The following IQCH variants were observed in gnomAD, a reference collection of about 807,000 sequenced individuals.
IQCH encodes IQ motif containing H, also known as IQ domain-containing protein H.
In IQCH, 98 loss-of-function variants were observed where a neutral mutation model predicts 117.0. That is an observed-to-expected ratio of 0.84 (90% CI 0.71 to 0.99). IQCH has a LOEUF of 0.99. IQCH is among the 50% of genes least tolerant of loss of function. The pLI is 0.00. For missense variants in IQCH, 1,102 were observed against 1,243.8 expected (o/e 0.89, Z 1.72); for synonymous variants, 412 against 448.2 (o/e 0.92, Z 1.02).
intron 18 of IQCH, among the ~76,000 whole-genome samples, chr15:67,484,193 C>T (rs548714864): frequency 5.5e-4 from 83 of 152,138 alleles, no homozygotes; most frequent in Non-Finnish European, 1.0e-3. Context: ...ATTACTTGAG[C>T]CCAGGAGTTC....
Position 67,466,208 on chromosome 15 carries a change from C to T in IQCH, c.2676+911C>T, listed in dbSNP as rs1286705748. 6.6e-6 allele frequency among the ~76,000 whole-genome samples: 1 copy of T among 152,162 alleles called. No homozygotes were observed. The highest frequency in any genetic ancestry group is 1.5e-5 in the Non-Finnish European group (1 of 68,030). On this transcript the variant is annotated intron_variant, in intron 17 of 20. Coordinates refer to ENST00000335894, the MANE Select transcript of IQCH (RefSeq NM_001031715.3). The surrounding 1 kb of genome is among the most constrained non-coding windows in gnomAD (Gnocchi z 4.4). ...CCTCAGCACCCTGAGTAACAAAGGG[C>T]ATAGCCCCATGGGGACAGTGGGTGC...
At chr15:67,261,480 C>T (rs903187434) in intron 2 of IQCH, 86 bp downstream of exon 2, 39 of 1,170,948 alleles carry the variant, frequency 3.3e-5, no homozygotes, top group Non-Finnish European at 4.4e-5. Flanking sequence ...TAGAGTCCTG[C>T]ATAATTCTGT....
chr15:67,435,665 G>A (rs2082120103), intron 16 of IQCH, among the ~76,000 whole-genome samples: 1 of 152,036 alleles, frequency 6.6e-6, no homozygotes, highest in Admixed American at 6.5e-5. Flanking sequence ...TTGAGGTCAG[G>A]AGTTCGGGAT....
rs1392483216 is a variant in IQCH, at chr15:67,422,502, G to A, written c.2505+925G>A. Among the ~76,000 whole-genome samples the A allele has an allele frequency of 1.3e-5, 2 of 152,074 alleles. No homozygotes were observed. The highest frequency in any genetic ancestry group is 2.9e-5 in the Non-Finnish European group (2 of 68,002). On this transcript the variant is annotated intron_variant, in intron 16 of 20. Coordinates refer to ENST00000335894, the MANE Select transcript of IQCH (RefSeq NM_001031715.3). The surrounding 1 kb of genome is among the most constrained non-coding windows in gnomAD (Gnocchi z 4.7). The stretch of plus-strand genomic sequence containing the variant: ...GCACATGGCTCTTCCTCCTCCTAGA[G>A]GCCAGGAGGAAGCTACTGTCTCATA...
At position 67,500,752 on chromosome 15, in the gene IQCH, G is replaced by A; in HGVS notation, c.*6G>A. Reference sequence around the variant, plus strand: ...TCTCTAAACCCAAGAAATGATCCTGGAATACAGTACATAACAATTTGGATC... The same window carrying A: ...TCTCTAAACCCAAGAAATGATCCTGAAATACAGTACATAACAATTTGGATC... On this transcript the variant is annotated 3_prime_UTR_variant, in exon 21 of 21. Coordinates refer to ENST00000335894, the MANE Select transcript of IQCH (RefSeq NM_001031715.3). This position sits in a 1 kb window ranked among gnomAD's most constrained non-coding sequence, Gnocchi z 4.4. The A allele has an allele frequency of 6.9e-7, 1 of 1,440,264 alleles. No individual in the cohort carries two copies. Among genetic ancestry groups the A allele is most frequent in the Non-Finnish European group, 9.7e-7 (1 of 1,034,704 alleles). 89.2% of individuals were successfully genotyped at this position (1,440,264 alleles called of 1,614,324 possible). A position where few individuals can be genotyped will look rare whatever the true frequency, so the allele number is the denominator to read the frequency against.
rs187676180 is a variant in IQCH at position 67,301,167 on chromosome 15, G to A, written c.387+21655G>A. The stretch of plus-strand genomic sequence containing the variant: ...AGTTATTTCTGATATTTATCTTACT[G>A]TTGGTAAAAAATGATCATCTTCCAG... On this transcript the variant is annotated intron_variant, in intron 4 of 20. Coordinates refer to ENST00000335894, the MANE Select transcript of IQCH (RefSeq NM_001031715.3). Among the ~76,000 whole-genome samples the A allele has an allele frequency of 5.2e-3, 794 of 152,148 alleles. 6 individuals carry two copies. Among genetic ancestry groups the A allele is most frequent in the African/African-American group, 0.016 (672 of 41,510 alleles).
In IQCH at chr15:67,427,158, C is replaced by G. The variant is rs754736895; in HGVS notation, c.2505+5581C>G. 1.3e-5 allele frequency among the ~76,000 whole-genome samples: 2 copies of G among 152,074 alleles called. No individual in the cohort carries two copies. The highest frequency in any genetic ancestry group is 2.9e-5 in the Non-Finnish European group (2 of 68,012). On this transcript the variant is annotated intron_variant, in intron 16 of 20. Transcript: ENST00000335894. The surrounding 1 kb of genome is among the most constrained non-coding windows in gnomAD (Gnocchi z 4.7). ...TTCTCCAACAATGAGAAACTTGAGT[C>G]TTTATCCCTCAATATAGTTACTTCT...
At position 67,368,878 on chromosome 15, in the gene IQCH, T is replaced by TTTTA. The variant is rs773466846; in HGVS notation, c.754-3213_754-3210dup. On this transcript the variant is annotated intron_variant, in intron 8 of 20. Transcript: ENST00000335894. The stretch of plus-strand genomic sequence containing the variant: ...TTTCTTTGTGGTAGTTATTTCTAAA[T>TTTTA]TTTATTTATTTATTTATTTATTTGA... Among the ~76,000 whole-genome samples, 71 of 152,154 alleles carry TTTTA rather than the reference T, an allele frequency of 4.7e-4. 2 individuals are homozygous for TTTTA. Among genetic ancestry groups the TTTTA allele is most frequent in the Admixed American group, 5.2e-4 (8 of 15,274 alleles).
intron 4 of IQCH, among the ~76,000 whole-genome samples, chr15:67,316,194 T>G (rs539008888): frequency 1.6e-4 from 24 of 152,228 alleles, no homozygotes; most frequent in African/African-American, 5.8e-4. Context: ...CATTTCTCAC[T>G]TAAGATGGGG....
At position 67,447,719 on chromosome 15, in the gene IQCH, G is replaced by C. The variant is rs1256620505; in HGVS notation, c.2506-17408G>C. On this transcript the variant is annotated intron_variant, in intron 16 of 20. Transcript: ENST00000335894. This position sits in a 1 kb window ranked among gnomAD's most constrained non-coding sequence, Gnocchi z 5.3. ...TTTCTGAGCCACCGGCCCACTACCTGAGCAGCCCCTTCTCTTCTGGGTTTG... is the reference window on the plus strand; with the variant it reads ...TTTCTGAGCCACCGGCCCACTACCTCAGCAGCCCCTTCTCTTCTGGGTTTG... 1.3e-5 allele frequency among the ~76,000 whole-genome samples: 2 copies of C among 152,128 alleles called. No homozygotes were observed. The highest frequency in any genetic ancestry group is 2.9e-5 in the Non-Finnish European group (2 of 68,028).
At chr15:67,477,295 CCT>C (rs2083229413) in intron 18 of IQCH, among the ~76,000 whole-genome samples, 1 of 152,070 alleles carries the variant, frequency 6.6e-6, no homozygotes, top group Non-Finnish European at 1.5e-5. Flanking sequence ...GATCCGCCCG[CCT>C]CGGCTTCCCA....
chr15:67,471,579 C>T (rs1261006067), intron 17 of IQCH, among the ~76,000 whole-genome samples: 1 of 152,202 alleles, frequency 6.6e-6, no homozygotes, highest in Non-Finnish European at 1.5e-5. Context: ...TCTTCTGATT[C>T]AAGTCACCTT....
intron 10 of IQCH, among the ~76,000 whole-genome samples, chr15:67,382,372 T>A (rs1237408379): frequency 6.6e-6 from 1 of 152,202 alleles, no homozygotes; most frequent in Non-Finnish European, 1.5e-5. Flanking sequence ...AGCCAGATAA[T>A]CCAGGATAAT....
chr15:67,431,578 C>A lies in IQCH; in HGVS notation c.2505+10001C>A, dbSNP rs2082019887. Among the ~76,000 whole-genome samples the A allele has an allele frequency of 6.6e-6, 1 of 152,044 alleles. No individual in the cohort carries two copies. The highest frequency in any genetic ancestry group is 2.4e-5 in the African/African-American group (1 of 41,376). The stretch of plus-strand genomic sequence containing the variant: ...GTGATGAAATAATGTGTACAACAAA[C>A]CCCCATGGCACAAGTTTACCTGTGT... On this transcript the variant is annotated intron_variant, in intron 16 of 20. Transcript: ENST00000335894. The surrounding 1 kb of genome is among the most constrained non-coding windows in gnomAD (Gnocchi z 4.8).
intron 20 of IQCH, among the ~76,000 whole-genome samples, chr15:67,499,130 C>A (rs1347517853): frequency 1.3e-5 from 2 of 151,674 alleles, no homozygotes; most frequent in Non-Finnish European, 2.9e-5. Flanking sequence ...GACCTCATCT[C>A]CACGAAAACT....
chr15:67,258,295 C>T (rs1025913266), intron 1 of IQCH, among the ~76,000 whole-genome samples: 63 of 151,150 alleles, frequency 4.2e-4, no homozygotes, highest in African/African-American at 1.4e-3. Context: ...TTTAGGAGGC[C>T]GAGGCGGGAG....
intron 6 of IQCH, among the ~76,000 whole-genome samples, chr15:67,346,602 G>T (rs1421821872): frequency 6.6e-6 from 1 of 152,116 alleles, no homozygotes; most frequent in Non-Finnish European, 1.5e-5. Context: ...CCTGCCACTT[G>T]CCTCCTGTTG....
intron 3 of IQCH, among the ~76,000 whole-genome samples, chr15:67,268,417 T>A (rs1056025731): frequency 3.9e-5 from 6 of 152,346 alleles, no homozygotes; most frequent in Non-Finnish European, 7.3e-5. Context: ...TTCCTCCTCT[T>A]ACCATTGCTG....
chr15:67,361,378 A>G (rs574670299), intron 8 of IQCH, among the ~76,000 whole-genome samples: 1 of 152,212 alleles, frequency 6.6e-6, no homozygotes, highest in Non-Finnish European at 1.5e-5. Flanking sequence ...TGCAATAGGC[A>G]CTATTATCAT....
Sources: gnomAD v4.1 joint callset for allele counts (sites outside exome capture counted in the v4.1 genomes callset) on GRCh38, gnomAD v4.1.1 for gene constraint, Gnocchi (gnomAD v3.1) non-coding constraint, MANE v1.5 for transcripts, NCBI Gene and HGNC (gene_info 2026-07-23, HGNC 2026-07-21) for gene names.